Variants in DTNA observed in about 807,000 individuals in gnomAD.
DTNA encodes dystrobrevin alpha, also known as dystrophin-related protein 3.
Under a neutral mutation model 100.7 loss-of-function variants are expected in DTNA, and 43 were observed. That is an observed-to-expected ratio of 0.43 (90% CI 0.33 to 0.55). DTNA has a LOEUF of 0.55. Ranked by LOEUF, DTNA falls within the 20% of genes least tolerant of loss-of-function variation. The pLI is 0.04. For missense variants in DTNA, 798 were observed against 953.9 expected, an observed-to-expected ratio of 0.84 and a Z score of 2.15; for synonymous variants, 349 against 347.9, an observed-to-expected ratio of 1.00 and a Z score of -0.04.
At chr18:34,581,885 G>C (rs1030868021) in intron 1 of DTNA, among the ~76,000 whole-genome samples, 3 of 151,998 alleles carry the variant, frequency 2.0e-5, no homozygotes, top group African/African-American at 4.8e-5. Flanking sequence ...GCCTCCCAAA[G>C]TGCTGGGATT....
chr18:34,889,149 G>A lies in DTNA; in HGVS notation c.*1415G>A, dbSNP rs1282118754. On this transcript the variant is annotated 3_prime_UTR_variant, in exon 23 of 23. Transcript: ENST00000444659. ...ATTTGATTTTTTTAAAAAAGCCTGCGACCTATTCAATACATTATGCTTAAA... is the reference window on the plus strand; with the variant it reads ...ATTTGATTTTTTTAAAAAAGCCTGCAACCTATTCAATACATTATGCTTAAA... 8 of 985,100 alleles carry A rather than the reference G, an allele frequency of 8.1e-6. No homozygotes were observed. The highest frequency in any genetic ancestry group is 6.2e-5 in the Admixed American group (1 of 16,252). 61.0% of individuals were successfully genotyped at this position (985,100 alleles called of 1,614,324 possible).
rs116777801 is a variant in DTNA, at chr18:34,748,321, A to T, written c.-1-7655A>T. ...AAGCTTTCTAGTTTAATTAGGCCTC[A>T]TTTATTTATTTTTGTTCTTGTCACA... On this transcript the variant is annotated intron_variant, in intron 1 of 22. Coordinates refer to ENST00000444659, the MANE Select transcript of DTNA (RefSeq NM_001386795.1). Among the ~76,000 whole-genome samples, 1,122 of 152,130 alleles carry T rather than the reference A, an allele frequency of 7.4e-3. 12 individuals carry two copies. The highest frequency in any genetic ancestry group is 0.026 in the African/African-American group (1,066 of 41,508).
intron 2 of DTNA, among the ~76,000 whole-genome samples, chr18:34,762,573 G>C (rs2148407964): frequency 6.6e-6 from 1 of 152,218 alleles, no homozygotes; most frequent in Non-Finnish European, 1.5e-5. Flanking sequence ...TGTTTGCTGG[G>C]GCAAAGAAAA....
At chr18:34,804,632 AG>A (rs1460710389) in intron 4 of DTNA, among the ~76,000 whole-genome samples, 1 of 152,224 alleles carries the variant, frequency 6.6e-6, no homozygotes, top group African/African-American at 2.4e-5. Flanking sequence ...AATAACCAGC[AG>A]AAGGACTGCA....
chr18:34,580,445 C>G (rs769800752), intron 1 of DTNA, among the ~76,000 whole-genome samples: 2 of 152,040 alleles, frequency 1.3e-5, no homozygotes, highest in Admixed American at 1.3e-4. Context: ...AATGGCTCAT[C>G]CTTTTCTCTA....
chr18:34,869,692 G>A (rs2096744261), intron 17 of DTNA, among the ~76,000 whole-genome samples: 1 of 149,580 alleles, frequency 6.7e-6, no homozygotes, highest in South Asian at 2.1e-4. Context: ...TTTTGTGTGA[G>A]AGAGGTGATT....
chr18:34,592,522 C>T (rs949760687), intron 1 of DTNA, among the ~76,000 whole-genome samples: 5 of 143,432 alleles, frequency 3.5e-5, no homozygotes, highest in Non-Finnish European at 7.6e-5. Flanking sequence ...TTTTCCAGTC[C>T]GCACTCAAGT....
intron 22 of DTNA, 29 bp from the exon 23 acceptor site, chr18:34,887,736 TA>T (rs1391279054): frequency 1.1e-5 from 11 of 985,078 alleles, no homozygotes; most frequent in East Asian, 1.1e-4. Context: ...TTTGCATCTT[TA>T]AAAAAAATTA....
chr18:34,882,150 G>A lies in DTNA; in HGVS notation c.2244G>A (p.Glu748=), dbSNP rs2150405608. 1 of 1,614,048 alleles carries A rather than the reference G, an allele frequency of 6.2e-7. No homozygotes were observed. The highest frequency in any genetic ancestry group is 1.3e-5 in the African/African-American group (1 of 75,022). Residue 748 remains glutamate, a synonymous_variant, in exon 21 of 23, where the codon GAG becomes GAA. Coordinates refer to ENST00000444659, the MANE Select transcript of DTNA (RefSeq NM_001386795.1). ...ACTCTGTCCGGCAGCTGGAGAATGAGCTCCAGATGGAGGAATACCTGAAAC... is the reference window on the plus strand; with the variant it reads ...ACTCTGTCCGGCAGCTGGAGAATGAACTCCAGATGGAGGAATACCTGAAAC... ...ENDSVRQLEN[E]LQMEEYLKQK...
intron 2 of DTNA, among the ~76,000 whole-genome samples, chr18:34,764,386 T>TA (rs1221083415): frequency 2.0e-5 from 3 of 152,198 alleles, no homozygotes; most frequent in African/African-American, 7.2e-5. Flanking sequence ...TCACAAGTAA[T>TA]AATCTTCTCT....
intron 16 of DTNA, 113 bp downstream of exon 16, chr18:34,858,511 TG>T: frequency 9.5e-7 from 1 of 1,053,648 alleles, no homozygotes; most frequent in East Asian, 2.5e-5. Flanking sequence ...TGCTGACATT[TG>T]TTTTTTTCAT....
intron 2 of DTNA, among the ~76,000 whole-genome samples, chr18:34,756,833 A>G (rs937397687): frequency 3.9e-5 from 6 of 152,180 alleles, no homozygotes; most frequent in African/African-American, 1.2e-4. Context: ...GTTGAATATT[A>G]TAAAGGAAAA....
At chr18:34,566,019 A>G (rs2461353) in intron 1 of DTNA, among the ~76,000 whole-genome samples, 2 of 152,232 alleles carry the variant, frequency 1.3e-5, no homozygotes, top group African/African-American at 4.8e-5. Flanking sequence ...TGACTGTGGG[A>G]ATATTAATGA....
intron 1 of DTNA, among the ~76,000 whole-genome samples, chr18:34,637,569 C>A (rs574113434): frequency 6.6e-6 from 1 of 152,162 alleles, no homozygotes; most frequent in Non-Finnish European, 1.5e-5. Flanking sequence ...AGCTCTTAGT[C>A]CCCACTCCAC....
intron 1 of DTNA, among the ~76,000 whole-genome samples, chr18:34,635,043 C>G (rs1017964043): frequency 6.6e-6 from 1 of 152,116 alleles, no homozygotes; most frequent in Non-Finnish European, 1.5e-5. Context: ...CCACCCTAAC[C>G]TCTGCTAACC....
chr18:34,503,762 AC>A (rs1452217204), intron 1 of DTNA, among the ~76,000 whole-genome samples: 3 of 147,998 alleles, frequency 2.0e-5, no homozygotes, highest in Non-Finnish European at 1.5e-5. Context: ...CCTGTTATTT[AC>A]TTGAGCATTT....
At chr18:34,646,563 C>T (rs1424027597) in intron 1 of DTNA, among the ~76,000 whole-genome samples, 2 of 152,156 alleles carry the variant, frequency 1.3e-5, no homozygotes, top group Non-Finnish European at 2.9e-5. Context: ...CTGTACATTA[C>T]AGATTATTTT....
chr18:34,736,845 T>C (rs551086888), intron 1 of DTNA, among the ~76,000 whole-genome samples: 8 of 152,308 alleles, frequency 5.3e-5, no homozygotes, highest in Non-Finnish European at 8.8e-5. Context: ...AACCTAAAAA[T>C]AGTCTGTCTT....
At chr18:34,722,409 T>C (rs1019842458) in intron 1 of DTNA, among the ~76,000 whole-genome samples, 1 of 152,082 alleles carries the variant, frequency 6.6e-6, no homozygotes, top group African/African-American at 2.4e-5. Context: ...AAAATACTAC[T>C]GGGAAGGAAA....
Sources: gnomAD v4.1 joint callset for allele counts (sites outside exome capture counted in the v4.1 genomes callset) on GRCh38, gnomAD v4.1.1 for gene constraint, MANE v1.5 for transcripts, NCBI Gene and HGNC (gene_info 2026-07-23, HGNC 2026-07-21) for gene names.